The following LAMA2 variants were observed in gnomAD, a reference collection of about 807,000 sequenced individuals.
LAMA2 encodes laminin subunit alpha-2.
In LAMA2, 269 loss-of-function variants were observed where a neutral mutation model predicts 364.8. The observed-to-expected ratio is 0.74, with a 90% CI of 0.67 to 0.82. LAMA2 has a LOEUF of 0.82. LAMA2 is among the 40% of genes least tolerant of loss of function. The pLI is 0.00. For synonymous variants in LAMA2, 1,379 were observed against 1,370.6 expected (o/e 1.01, Z -0.14); for missense variants, 3,807 against 3,873.2 (o/e 0.98, Z 0.45).
intron 12 of LAMA2, among the ~76,000 whole-genome samples, chr6:129,212,014 A>T (rs1583262244): frequency 6.6e-6 from 1 of 152,224 alleles, no homozygotes; most frequent in East Asian, 1.9e-4. Flanking sequence ...TACAGGTAAA[A>T]TTATCCTAAA....
At chr6:129,442,929 TG>T in intron 43 of LAMA2, 133 bp from the exon 44 acceptor site, 1 of 619,842 alleles carries the variant, frequency 1.6e-6, no homozygotes. Context: ...TCAGTTAAAA[TG>T]GGGTGCATTT....
intron 29 of LAMA2, among the ~76,000 whole-genome samples, chr6:129,333,178 C>A (rs1775761010): frequency 6.6e-6 from 1 of 152,064 alleles, no homozygotes; most frequent in Admixed American, 6.5e-5. Flanking sequence ...AGGCATGAAC[C>A]ACCAAACCTG....
intron 3 of LAMA2, among the ~76,000 whole-genome samples, chr6:129,076,281 G>A (rs899206620): frequency 1.5e-4 from 22 of 151,178 alleles, no homozygotes; most frequent in Admixed American, 6.6e-4. Flanking sequence ...TTTAAAGGTG[G>A]TAAGATCAAA....
Position 129,516,425 on chromosome 6 carries a change from A to ATATG in LAMA2, c.*80_*83dup. 1 of 1,404,926 alleles carries ATATG rather than the reference A, an allele frequency of 7.1e-7. No homozygotes were observed. 87.0% of individuals were successfully genotyped at this position (1,404,926 alleles called of 1,614,324 possible). A position where few individuals can be genotyped will look rare whatever the true frequency, so the allele number is the denominator to read the frequency against. ...AAACAAACAAATATATTTTACCTAT[A>ATATG]TATGTTAATTAAACTAATTTGTGCA... is the stretch of plus-strand genomic sequence containing the variant. On this transcript the variant is annotated 3_prime_UTR_variant, in exon 65 of 65. Transcript: ENST00000421865.
chr6:129,180,850 G>C (rs1252597272), intron 10 of LAMA2, among the ~76,000 whole-genome samples: 1 of 152,096 alleles, frequency 6.6e-6, no homozygotes, highest in Non-Finnish European at 1.5e-5. Flanking sequence ...TGGAGGGTGG[G>C]AGACAAGTCT....
chr6:129,260,792 C>G lies in LAMA2; in HGVS notation c.2178C>G (p.Cys726Trp). 6.2e-7 allele frequency: 1 copy of G among 1,609,180 alleles called. No individual in the cohort carries two copies. Among genetic ancestry groups the G allele is most frequent in the Non-Finnish European group, 8.5e-7 (1 of 1,175,678 alleles). The change falls in exon 15 of 65, where the codon TGC becomes TGG. Residue 726 changes from cysteine to tryptophan, a missense_variant. By Grantham distance (215) the Cys-to-Trp change is radical. Around this residue, in one of 3 missense-constraint regions of LAMA2, gnomAD observed 3,333 missense variants for 3,345.7 expected, o/e 1.00. Coordinates refer to ENST00000421865, the MANE Select transcript of LAMA2 (RefSeq NM_000426.4). ...CAGCAGCTGTAGAAGTGTGTCAGTG[C>G]CCACCAGGGTATACTGGCTCCTCTT... is the stretch of plus-strand genomic sequence containing the variant. The part of the protein sequence containing the change: ...SIAAAVEVCQ[C>W]PPGYTGSSCE...
At chr6:129,347,741 C>T (rs996823349) in intron 30 of LAMA2, among the ~76,000 whole-genome samples, 4 of 152,020 alleles carry the variant, frequency 2.6e-5, no homozygotes, top group African/African-American at 9.7e-5. Flanking sequence ...GAGTTGTGAA[C>T]AGAAAGAATA....
chr6:129,288,058 CG>C lies in LAMA2; in HGVS notation c.2749+1del, dbSNP rs1789403082. 6.2e-7 allele frequency: 1 copy of C among 1,612,682 alleles called. No individual in the cohort carries two copies. Among genetic ancestry groups the C allele is most frequent in the African/African-American group, 1.3e-5 (1 of 74,990 alleles). ...TGCAGTTGATGCGAAGAACTGTCAG[CG>C]TAAGTCCTGAACTATTGATGCCCCT... On this transcript the variant is annotated splice_donor_variant, in intron 19 of 64. Transcript: ENST00000421865. LOFTEE classifies it high-confidence loss of function.
At chr6:129,351,522 C>A (rs1272583775) in intron 31 of LAMA2, among the ~76,000 whole-genome samples, 1 of 152,122 alleles carries the variant, frequency 6.6e-6, no homozygotes, top group Non-Finnish European at 1.5e-5. Flanking sequence ...CTTTATTCAG[C>A]TATATTAAAC....
chr6:129,275,720 T>C (rs1788266651), intron 17 of LAMA2, among the ~76,000 whole-genome samples: 1 of 27,846 alleles, frequency 3.6e-5, no homozygotes, highest in Non-Finnish European at 9.2e-5. Context: ...TGTTTAAAAA[T>C]TTGTAAAAAA....
intron 4 of LAMA2, among the ~76,000 whole-genome samples, chr6:129,129,369 A>G (rs1236535967): frequency 1.3e-5 from 2 of 152,238 alleles, no homozygotes; most frequent in Admixed American, 1.3e-4. Flanking sequence ...ACCTACATAC[A>G]AATTTGTATT....
Position 129,260,566 on chromosome 6 carries a change from A to T in LAMA2, c.2097-145A>T, listed in dbSNP as rs540930867. On this transcript the variant is annotated intron_variant, in intron 14 of 64. Coordinates refer to ENST00000421865, the MANE Select transcript of LAMA2 (RefSeq NM_000426.4). ...TTGACCTAATATGACAAAGGACCAGAGCTTTTGGTTATGGTATTCATCAGC... is the reference window on the plus strand; with the variant it reads ...TTGACCTAATATGACAAAGGACCAGTGCTTTTGGTTATGGTATTCATCAGC... The T allele has an allele frequency of 5.7e-6, 4 of 702,368 alleles. No homozygotes were observed. The Admixed American group carries it at 7.5e-5, about 13-fold the overall frequency. The allele number at this position is 702,368 out of a possible 1,614,324, so 43.5% of individuals were successfully genotyped here.
At chr6:129,311,313 G>A (rs1011029532) in intron 22 of LAMA2, among the ~76,000 whole-genome samples, 2 of 151,932 alleles carry the variant, frequency 1.3e-5, no homozygotes, top group African/African-American at 2.4e-5. Context: ...AATAGAGACA[G>A]GGTTTCACCA....
At chr6:129,235,808 C>T (rs1031457528) in intron 12 of LAMA2, among the ~76,000 whole-genome samples, 1 of 152,118 alleles carries the variant, frequency 6.6e-6, no homozygotes, top group Admixed American at 6.6e-5. Context: ...TCTTCTTCTC[C>T]TTCCTCTTTT....
intron 12 of LAMA2, among the ~76,000 whole-genome samples, chr6:129,228,192 G>T (rs532384852): frequency 1.1e-4 from 16 of 152,302 alleles, no homozygotes; most frequent in Non-Finnish European, 2.2e-4. Context: ...CGTGGTATTA[G>T]GGTGGGAGTG....
At chr6:128,952,204 A>T (rs930874853) in intron 1 of LAMA2, among the ~76,000 whole-genome samples, 10 of 152,058 alleles carry the variant, frequency 6.6e-5, no homozygotes, top group African/African-American at 2.2e-4. Flanking sequence ...TCAAATTCAA[A>T]CATATTTTTC....
chr6:129,419,223 T>C (rs1227892413), intron 40 of LAMA2, among the ~76,000 whole-genome samples: 2 of 152,170 alleles, frequency 1.3e-5, no homozygotes, highest in Non-Finnish European at 2.9e-5. Flanking sequence ...AACACAGAAC[T>C]CTTTTGAACA....
chr6:129,063,393 T>A (rs1456420171), intron 3 of LAMA2, among the ~76,000 whole-genome samples: 1 of 152,178 alleles, frequency 6.6e-6, no homozygotes, highest in Non-Finnish European at 1.5e-5. Context: ...CTACCAGATT[T>A]CACCAGAATA....
At chr6:129,195,380 T>C (rs956022428) in intron 12 of LAMA2, among the ~76,000 whole-genome samples, 17 of 152,206 alleles carry the variant, frequency 1.1e-4, no homozygotes, top group African/African-American at 3.6e-4. Context: ...TACTAGCCAA[T>C]TTAGCAAAGG....
Sources: gnomAD v4.1 joint callset for allele counts (sites outside exome capture counted in the v4.1 genomes callset) on GRCh38, gnomAD v4.1.1 for gene constraint, gnomAD v4.1.1 regional missense constraint, MANE v1.5 for transcripts, NCBI Gene and HGNC (gene_info 2026-07-23, HGNC 2026-07-21) for gene names.